The following TENM3 variants were observed in gnomAD, a reference collection of about 807,000 sequenced individuals.
The protein encoded by TENM3 is teneurin-3.
A neutral mutation model predicts 255.1 loss-of-function variants in TENM3; 63 were observed. The ratio of observed to expected loss-of-function variants is 0.25; its 90% CI spans 0.20 to 0.30. The LOEUF (loss-of-function observed/expected upper bound fraction) is 0.30. TENM3 is among the 10% of genes least tolerant of loss of function. The probability of loss-of-function intolerance (pLI) is 1.00; values close to 1 mark genes in which losing one functional copy is unlikely to be tolerated. For missense variants in TENM3, 2,929 were observed against 3,461.1 expected (o/e 0.85, Z 3.86); for synonymous variants, 1,306 against 1,322.3 (o/e 0.99, Z 0.27).
intron 24 of TENM3, among the ~76,000 whole-genome samples, chr4:182,784,915 G>A (rs13102588): frequency 0.015 from 2,279 of 152,136 alleles, 25 homozygotes; most frequent in African/African-American, 0.02. Flanking sequence ...GCTTCGGCTC[G>A]CGCACGGTGC....
At chr4:181,542,815 C>T in the TENM3 span, among the ~76,000 whole-genome samples, 8 of 152,204 alleles carry the variant, frequency 5.3e-5, no homozygotes, top group African/African-American at 1.4e-4. Flanking sequence ...CAAATATCTC[C>T]GCATGTTAGA....
the TENM3 span, among the ~76,000 whole-genome samples, chr4:181,991,503 A>G: frequency 6.6e-6 from 1 of 152,054 alleles, no homozygotes; most frequent in African/African-American, 2.4e-5. Context: ...TGTCGCTGTT[A>G]AGTAATTGAT....
chr4:181,933,341 A>T, the TENM3 span, among the ~76,000 whole-genome samples: 1 of 152,232 alleles, frequency 6.6e-6, no homozygotes, highest in Admixed American at 6.5e-5. Flanking sequence ...AGTTCAAGGC[A>T]TATCACCATG....
chr4:182,026,609 C>T, the TENM3 span, among the ~76,000 whole-genome samples: 27 of 152,138 alleles, frequency 1.8e-4, no homozygotes, highest in Admixed American at 1.7e-3. Flanking sequence ...TAGATTATGT[C>T]TTTAATCCAT....
chr4:181,580,090 T>G, the TENM3 span, among the ~76,000 whole-genome samples: 1 of 151,954 alleles, frequency 6.6e-6, no homozygotes, highest in Non-Finnish European at 1.5e-5. Flanking sequence ...CTCCCCTTCC[T>G]GGGTTCAAGC....
At chr4:182,058,316 T>C in the TENM3 span, among the ~76,000 whole-genome samples, 1 of 152,236 alleles carries the variant, frequency 6.6e-6, no homozygotes, top group South Asian at 2.1e-4. Flanking sequence ...ACCATTTGCT[T>C]CCATCCTAGC....
the TENM3 span, among the ~76,000 whole-genome samples, chr4:181,678,238 T>C: frequency 1.3e-5 from 2 of 152,082 alleles, no homozygotes; most frequent in Admixed American, 1.3e-4. Context: ...ATAACTTTTT[T>C]GAAGAAAACA....
the TENM3 span, among the ~76,000 whole-genome samples, chr4:181,851,451 TAGAC>T: frequency 6.6e-6 from 1 of 152,270 alleles, no homozygotes; most frequent in South Asian, 2.1e-4. Context: ...GTAAAACCAT[TAGAC>T]AGGGTTGTGT....
At chr4:182,329,609 T>G (rs6552553) in intron 2 of TENM3, among the ~76,000 whole-genome samples, 1 of 151,870 alleles carries the variant, frequency 6.6e-6, no homozygotes, top group African/African-American at 2.4e-5. Context: ...AAATGAACAA[T>G]GGAGATAAGA....
chr4:182,777,836 CAT>C (rs199749023), intron 24 of TENM3, among the ~76,000 whole-genome samples: 17 of 139,630 alleles, frequency 1.2e-4, no homozygotes, highest in Admixed American at 2.8e-4. Flanking sequence ...AGGAATACAG[CAT>C]ATATATATAT....
At chr4:181,997,321 C>T in the TENM3 span, among the ~76,000 whole-genome samples, 130 of 152,176 alleles carry the variant, frequency 8.5e-4, no homozygotes, top group Non-Finnish European at 4.6e-4. Flanking sequence ...TGCCTGCGCA[C>T]GTGTGATACC....
the TENM3 span, among the ~76,000 whole-genome samples, chr4:181,984,580 A>T: frequency 0.16 from 23,844 of 151,874 alleles, 2,168 homozygotes; most frequent in Admixed American, 0.28. Flanking sequence ...TTGAAAAAAA[A>T]AGCCTTTTGC....
At chr4:182,756,407 G>T (rs1302228230) in intron 22 of TENM3, among the ~76,000 whole-genome samples, 1 of 152,142 alleles carries the variant, frequency 6.6e-6, no homozygotes, top group Admixed American at 6.5e-5. Flanking sequence ...AGAATCAGCT[G>T]TTGAGTATGT....
chr4:182,709,281 C>T (rs562325628), intron 12 of TENM3, among the ~76,000 whole-genome samples: 2 of 152,270 alleles, frequency 1.3e-5, no homozygotes, highest in African/African-American at 4.8e-5. Context: ...CCGCATCCAG[C>T]TCTGGAAAAT....
At chr4:182,608,869 G>A (rs1229749841) in intron 4 of TENM3, among the ~76,000 whole-genome samples, 2 of 152,216 alleles carry the variant, frequency 1.3e-5, no homozygotes, top group African/African-American at 2.4e-5. Context: ...GAGCTCGCCC[G>A]CCAGTGACCT....
chr4:181,597,074 G>C, the TENM3 span, among the ~76,000 whole-genome samples: 1 of 151,772 alleles, frequency 6.6e-6, no homozygotes, highest in South Asian at 2.1e-4. Flanking sequence ...TAAAATGAAA[G>C]TTAAAAAAAA....
At chr4:181,522,900 G>T in the TENM3 span, 2 of 954,740 alleles carry the variant, frequency 2.1e-6, no homozygotes, top group Non-Finnish European at 1.7e-6. Context: ...AGCAGTTGTT[G>T]CTGGAATTGT....
the TENM3 span, among the ~76,000 whole-genome samples, chr4:182,076,661 T>G: frequency 6.6e-5 from 10 of 152,226 alleles, no homozygotes; most frequent in African/African-American, 2.4e-4. Context: ...CTCTTAATTT[T>G]GGGGGCTGTA....
intron 12 of TENM3, among the ~76,000 whole-genome samples, chr4:182,695,164 G>A (rs1390261986): frequency 6.6e-6 from 1 of 152,180 alleles, no homozygotes; most frequent in Non-Finnish European, 1.5e-5. Flanking sequence ...TGTTCTGGGA[G>A]GCATTTGGCT....
Sources: gnomAD v4.1 joint callset for allele counts (sites outside exome capture counted in the v4.1 genomes callset) on GRCh38, gnomAD v4.1.1 for gene constraint, MANE v1.5 for transcripts, NCBI Gene and HGNC (gene_info 2026-07-23, HGNC 2026-07-21) for gene names.